The following TOMM34 variants were observed in gnomAD, a reference collection of about 807,000 sequenced individuals.
The protein encoded by TOMM34 is translocase of outer mitochondrial membrane 34.
In TOMM34, 24 loss-of-function variants were observed where a neutral mutation model predicts 37.4. The observed-to-expected ratio is 0.64, with a 90% CI of 0.46 to 0.90. TOMM34 has a LOEUF of 0.90. Ranked by LOEUF, TOMM34 falls within the 40% of genes least tolerant of loss-of-function variation. The pLI is 0.00. For synonymous variants in TOMM34, 154 were observed against 148.9 expected, an observed-to-expected ratio of 1.03 and a Z score of -0.25; for missense variants, 304 against 375.6, an observed-to-expected ratio of 0.81 and a Z score of 1.58.
At position 44,948,632 on chromosome 20, in the gene TOMM34, G is replaced by A. The variant is rs1329978448; in HGVS notation, c.698+98C>T. The A allele has an allele frequency of 5.5e-6, 8 of 1,446,752 alleles. No individual in the cohort carries two copies. In the East Asian group the frequency reaches 6.9e-5, roughly 12 times the overall value. 89.6% of individuals were successfully genotyped at this position (1,446,752 alleles called of 1,614,324 possible). Reference sequence around the variant, plus strand: ...GCATGTTTTCAGCCATAACATACTTGACTAAATGCTAGGGATGAAGGGCCC... The same window carrying A: ...GCATGTTTTCAGCCATAACATACTTAACTAAATGCTAGGGATGAAGGGCCC... On this transcript the variant is annotated intron_variant, in intron 5 of 6. Transcript: ENST00000372813.
chr20:44,948,609 A>G, intron 5 of TOMM34, 121 bp downstream of exon 5: 1 of 1,267,956 alleles, frequency 7.9e-7, no homozygotes, highest in Admixed American at 2.2e-5. Flanking sequence ...ACGTGGATGC[A>G]TGTTTTCAGC....
At chr20:44,952,849 A>C in intron 3 of TOMM34, 1 of 608,908 alleles carries the variant, frequency 1.6e-6, no homozygotes. Context: ...ACAAATTCCA[A>C]GATGTCTCTG....
At chr20:44,957,584 CAT>C (rs997170194) in intron 1 of TOMM34, among the ~76,000 whole-genome samples, 1 of 152,198 alleles carries the variant, frequency 6.6e-6, no homozygotes, top group African/African-American at 2.4e-5. Flanking sequence ...AATTTTGAAA[CAT>C]ACAGAAGACC....
chr20:44,959,056 C>T (rs923385529), intron 1 of TOMM34: 2 of 152,094 alleles, frequency 1.3e-5, no homozygotes, highest in African/African-American at 4.8e-5. Flanking sequence ...TCCATGTCTT[C>T]ACTATGTAAC....
At chr20:44,946,969 TATAAG>T (rs929971746) in intron 5 of TOMM34, among the ~76,000 whole-genome samples, 2 of 152,216 alleles carry the variant, frequency 1.3e-5, no homozygotes, top group African/African-American at 4.8e-5. Context: ...AGACCAGCCC[TATAAG>T]ATATTATAAA....
At position 44,942,164 on chromosome 20, in the gene TOMM34, TAC is replaced by T. The variant is rs1392248355; in HGVS notation, c.*943_*944del. On this transcript the variant is annotated 3_prime_UTR_variant, in exon 7 of 7. Coordinates refer to ENST00000372813, the MANE Select transcript of TOMM34 (RefSeq NM_006809.5). ...AATAAGCAATAACTTTTATTATTAC[TAC>T]AGAGTTCCAGGTGCAAAGCTGAAAA... is the stretch of plus-strand genomic sequence containing the variant. The T allele has an allele frequency of 6.6e-6, 1 of 152,246 alleles. No individual in the cohort carries two copies. The highest frequency in any genetic ancestry group is 2.4e-5 in the African/African-American group (1 of 41,476). The allele number at this position is 152,246 out of a possible 1,614,324, so 9.4% of individuals were successfully genotyped here. A position where few individuals can be genotyped will look rare whatever the true frequency, so the allele number is the denominator to read the frequency against.
At chr20:44,959,601 T>C (rs1412429367) in intron 1 of TOMM34, among the ~76,000 whole-genome samples, 1 of 152,092 alleles carries the variant, frequency 6.6e-6, no homozygotes, top group Non-Finnish European at 1.5e-5. Flanking sequence ...AAACACACCA[T>C]GTTTATATCG....
intron 3 of TOMM34, 102 bp downstream of exon 3, chr20:44,954,966 G>T: frequency 6.9e-7 from 1 of 1,439,236 alleles, no homozygotes; most frequent in Non-Finnish European, 9.3e-7. Context: ...TTTAAGTGTA[G>T]CCAAAGGGAT....
rs1174446649 is a variant in TOMM34, at chr20:44,942,324, G to A, written c.*785C>T. 6.6e-6 allele frequency: 1 copy of A among 152,218 alleles called. No homozygotes were observed. The highest frequency in any genetic ancestry group is 2.4e-5 in the African/African-American group (1 of 41,456). 9.4% of individuals were successfully genotyped at this position (152,218 alleles called of 1,614,324 possible). A position where few individuals can be genotyped will look rare whatever the true frequency, so the allele number is the denominator to read the frequency against. ...ATTACAAAGAACTATGAAGCCCGGA[G>A]AAGGCCACTGTTGGAACAAAAAACC... On this transcript the variant is annotated 3_prime_UTR_variant, in exon 7 of 7. Transcript: ENST00000372813.
rs577777519 is a variant in TOMM34, at chr20:44,944,285, T to C, written c.699-706A>G. ...GGGTTCAAAAAAGTGCATGTGTGTA[T>C]ATATCTTCCTCATTCAGATCTAGTC... On this transcript the variant is annotated intron_variant, in intron 5 of 6. Coordinates refer to ENST00000372813, the MANE Select transcript of TOMM34 (RefSeq NM_006809.5). Among the ~76,000 whole-genome samples, 23 of 152,378 alleles carry C rather than the reference T, an allele frequency of 1.5e-4. No individual in the cohort carries two copies. In the East Asian group the frequency reaches 3.9e-3, roughly 26 times the overall value.
rs144804213 is a variant in TOMM34 at position 44,943,974 on chromosome 20, G to GA, written c.699-396dup. On this transcript the variant is annotated intron_variant, in intron 5 of 6. Transcript: ENST00000372813. ...TTAAAAAATTATCTACTTTAAGGGG[G>GA]AAAAAAAAACCCAACAACTACTGAA... Among the ~76,000 whole-genome samples the GA allele has an allele frequency of 3.5e-3, 525 of 150,524 alleles. 2 individuals carry two copies. The highest frequency in any genetic ancestry group is 4.4e-3 in the Non-Finnish European group (298 of 67,508).
chr20:44,955,021 A>G, intron 3 of TOMM34, 47 bp downstream of exon 3: 1 of 1,598,036 alleles, frequency 6.3e-7, no homozygotes, highest in South Asian at 1.1e-5. Context: ...CCAATCAAGA[A>G]GGACAGGGAG....
chr20:44,949,657 C>T lies in TOMM34; in HGVS notation c.551-780G>A, dbSNP rs975243923. On this transcript the variant is annotated intron_variant, in intron 4 of 6. Coordinates refer to ENST00000372813, the MANE Select transcript of TOMM34 (RefSeq NM_006809.5). ...TTTATAAAATACTAAATATTTATGACCAGGGTAAGATTATAGGTTTACACC... is the reference window on the plus strand; with the variant it reads ...TTTATAAAATACTAAATATTTATGATCAGGGTAAGATTATAGGTTTACACC... 2.6e-5 allele frequency among the ~76,000 whole-genome samples: 4 copies of T among 152,140 alleles called. No homozygotes were observed. In the South Asian group the frequency reaches 8.3e-4, roughly 32 times the overall value.
At chr20:44,950,911 C>G (rs2067020549) in intron 4 of TOMM34, among the ~76,000 whole-genome samples, 1 of 152,228 alleles carries the variant, frequency 6.6e-6, no homozygotes, top group Admixed American at 6.5e-5. Flanking sequence ...TAGTGCCTGA[C>G]AAATGGCCTC....
intron 6 of TOMM34, 48 bp from the exon 7 acceptor site, chr20:44,943,261 G>A (rs754212474): frequency 6.2e-7 from 1 of 1,608,320 alleles, no homozygotes; most frequent in Non-Finnish European, 8.5e-7. Context: ...CCGGACTGGG[G>A]TGGGGATAGC....
At chr20:44,951,336 A>G (rs2067024222) in intron 4 of TOMM34, among the ~76,000 whole-genome samples, 1 of 152,182 alleles carries the variant, frequency 6.6e-6, no homozygotes, top group Admixed American at 6.5e-5. Flanking sequence ...CCAAAGACAA[A>G]GCTGACGCAC....
Position 44,951,719 on chromosome 20 carries a change from G to C in TOMM34, c.550+114C>G, listed in dbSNP as rs878856396. 3.1e-6 allele frequency: 4 copies of C among 1,302,842 alleles called. No individual in the cohort carries two copies. The South Asian group carries it at 6.0e-5, about 20-fold the overall frequency. 80.7% of individuals were successfully genotyped at this position (1,302,842 alleles called of 1,614,324 possible). ...AGACTTGTATTTTGTTTTATACTTTGTTCCTAAGATTATTTTTATAACTCA... is the reference window on the plus strand; with the variant it reads ...AGACTTGTATTTTGTTTTATACTTTCTTCCTAAGATTATTTTTATAACTCA... On this transcript the variant is annotated intron_variant, in intron 4 of 6. Transcript: ENST00000372813.
Position 44,948,771 on chromosome 20 carries a change from G to A in TOMM34, c.657C>T (p.Ser219=). The change falls in exon 5 of 7, where the codon AGC becomes AGT. Residue 219 remains serine, a synonymous_variant. Transcript: ENST00000372813. ...HKKAIEKYSE[S]LLCSNLESAT... ...CAGATTCCAGGTTACTACACAAGAG[G>A]CTTTCACTGTACTTCTCAATAGCTT... 1 of 1,614,110 alleles carries A rather than the reference G, an allele frequency of 6.2e-7. No homozygotes were observed. The highest frequency in any genetic ancestry group is 1.1e-5 in the South Asian group (1 of 91,078).
chr20:44,952,878 C>A (rs1332838181), intron 3 of TOMM34, among the ~76,000 whole-genome samples: 1 of 152,154 alleles, frequency 6.6e-6, no homozygotes, highest in African/African-American at 2.4e-5. Flanking sequence ...GTTTTCCTGG[C>A]GGCCAAGCTA....
Sources: gnomAD v4.1 joint callset for allele counts (sites outside exome capture counted in the v4.1 genomes callset) on GRCh38, gnomAD v4.1.1 for gene constraint, MANE v1.5 for transcripts, NCBI Gene and HGNC (gene_info 2026-07-23, HGNC 2026-07-21) for gene names.